Variants in KHDRBS3 observed in about 807,000 individuals in gnomAD.
The protein encoded by KHDRBS3 is KH domain-containing, RNA-binding, signal transduction-associated protein 3.
Under a neutral mutation model 45.6 loss-of-function variants are expected in KHDRBS3, and 23 were observed. That is an observed-to-expected ratio of 0.50 (90% confidence interval 0.36 to 0.72). The LOEUF is 0.72. KHDRBS3 is among the 30% of genes least tolerant of loss of function. The pLI is 0.00. For synonymous variants in KHDRBS3, 162 were observed against 156.5 expected (o/e 1.04, Z -0.26); for missense variants, 352 against 424.8 (o/e 0.83, Z 1.51).
chr8:135,568,102 A>G (rs1006551484), intron 5 of KHDRBS3, among the ~76,000 whole-genome samples: 1 of 152,156 alleles, frequency 6.6e-6, no homozygotes, highest in African/African-American at 2.4e-5. Flanking sequence ...AGCCCCAAAC[A>G]AAAGCTGCTT....
In KHDRBS3 at chr8:135,471,367, C is replaced by T. The variant is rs181022003; in HGVS notation, c.88+13413C>T. ...GACTGGTTGGGTGTCTGTTTCTCCA[C>T]AGTCTTTCCTACTGGATTGGAGAAG... is the stretch of plus-strand genomic sequence containing the variant. On this transcript the variant is annotated intron_variant, in intron 1 of 8. Transcript: ENST00000355849. Among the ~76,000 whole-genome samples the T allele has an allele frequency of 8.5e-5, 13 of 152,318 alleles. No individual in the cohort carries two copies. The East Asian group carries it at 2.5e-3, about 29-fold the overall frequency.
At chr8:135,566,692 A>G (rs1425967709) in intron 5 of KHDRBS3, among the ~76,000 whole-genome samples, 3 of 149,812 alleles carry the variant, frequency 2.0e-5, no homozygotes, top group African/African-American at 7.3e-5. Context: ...TTATCTTTAC[A>G]AAAAAAAAAG....
chr8:135,499,692 C>T (rs571287797), intron 1 of KHDRBS3, among the ~76,000 whole-genome samples: 1 of 152,292 alleles, frequency 6.6e-6, no homozygotes, highest in South Asian at 2.1e-4. Flanking sequence ...ACTCTAGAAG[C>T]ATCAGAATGT....
chr8:135,508,321 A>G (rs1447146228), intron 1 of KHDRBS3, among the ~76,000 whole-genome samples: 1 of 152,222 alleles, frequency 6.6e-6, no homozygotes, highest in Non-Finnish European at 1.5e-5. Context: ...TCATATTTCT[A>G]TCTCAAAGTG....
intron 1 of KHDRBS3, among the ~76,000 whole-genome samples, chr8:135,507,762 A>G (rs1824081464): frequency 6.6e-6 from 1 of 152,212 alleles, no homozygotes; most frequent in Non-Finnish European, 1.5e-5. Context: ...ATGAGAAGAC[A>G]GGTCTCATTT....
intron 6 of KHDRBS3, among the ~76,000 whole-genome samples, chr8:135,587,514 C>A (rs184806640): frequency 2.0e-5 from 3 of 152,090 alleles, no homozygotes; most frequent in African/African-American, 4.8e-5. Flanking sequence ...TGGGACCTTC[C>A]GCTCTACTTT....
intron 5 of KHDRBS3, among the ~76,000 whole-genome samples, chr8:135,581,248 A>T (rs966374404): frequency 6.6e-6 from 1 of 152,146 alleles, no homozygotes; most frequent in African/African-American, 2.4e-5. Context: ...GCCATTCTTG[A>T]TAGAGCCATC....
chr8:135,485,842 T>TTA (rs34886021), intron 1 of KHDRBS3, among the ~76,000 whole-genome samples: 20,088 of 120,076 alleles, frequency 0.17, 1,942 homozygotes, highest in Middle Eastern at 0.22. Context: ...CATTTCAAGT[T>TTA]TATATATATA....
chr8:135,574,066 T>C (rs1827834310), intron 5 of KHDRBS3, among the ~76,000 whole-genome samples: 1 of 152,240 alleles, frequency 6.6e-6, no homozygotes, highest in Non-Finnish European at 1.5e-5. Flanking sequence ...CCCCATGTTA[T>C]CAATCCAGCT....
chr8:135,605,971 T>C (rs930493808), intron 6 of KHDRBS3, among the ~76,000 whole-genome samples: 1 of 152,202 alleles, frequency 6.6e-6, no homozygotes, highest in African/African-American at 2.4e-5. Flanking sequence ...AAATCAATTT[T>C]TTCCATGGTT....
Position 135,466,003 on chromosome 8 carries a change from T to C in KHDRBS3, c.88+8049T>C, listed in dbSNP as rs561798488. ...TCAACATTTTTCCTTGTTCTTTCTC[T>C]GCTTCAATGTTTGTGCCGTTTGTGC... On this transcript the variant is annotated intron_variant, in intron 1 of 8. Coordinates refer to ENST00000355849, the MANE Select transcript of KHDRBS3 (RefSeq NM_006558.3). Among the ~76,000 whole-genome samples, 7 of 152,356 alleles carry C rather than the reference T, an allele frequency of 4.6e-5. No homozygotes were observed. The South Asian group carries it at 6.2e-4, about 14-fold the overall frequency.
chr8:135,461,326 A>T (rs1287408759), intron 1 of KHDRBS3, among the ~76,000 whole-genome samples: 1 of 151,940 alleles, frequency 6.6e-6, no homozygotes, highest in Non-Finnish European at 1.5e-5. Flanking sequence ...GCTGGTCTCG[A>T]ACTCCTGACC....
intron 6 of KHDRBS3, among the ~76,000 whole-genome samples, chr8:135,595,736 T>C (rs1828944629): frequency 6.6e-6 from 1 of 152,190 alleles, no homozygotes; most frequent in East Asian, 1.9e-4. Flanking sequence ...GCTGTTGTTC[T>C]CAAGGAAGAG....
chr8:135,474,513 C>T (rs112799194), intron 1 of KHDRBS3, among the ~76,000 whole-genome samples: 19 of 152,116 alleles, frequency 1.2e-4, no homozygotes, highest in African/African-American at 3.9e-4. Context: ...ACCATTGGTC[C>T]AAAATGTTAA....
intron 2 of KHDRBS3, among the ~76,000 whole-genome samples, chr8:135,533,908 G>A (rs570294722): frequency 6.6e-6 from 1 of 152,218 alleles, no homozygotes; most frequent in East Asian, 1.9e-4. Flanking sequence ...TTATAATGAA[G>A]TCTTGGATAT....
At chr8:135,467,709 C>T (rs1370251428) in intron 1 of KHDRBS3, among the ~76,000 whole-genome samples, 1 of 152,240 alleles carries the variant, frequency 6.6e-6, no homozygotes, top group East Asian at 1.9e-4. Flanking sequence ...TACCCGGGCA[C>T]ACCACGTCTG....
chr8:135,558,738 T>C (rs1187740785), intron 5 of KHDRBS3, among the ~76,000 whole-genome samples: 1 of 151,726 alleles, frequency 6.6e-6, no homozygotes, highest in East Asian at 2.0e-4. Context: ...ACTTACCTGC[T>C]TCATTATTTT....
intron 1 of KHDRBS3, among the ~76,000 whole-genome samples, chr8:135,495,707 G>T (rs2130460140): frequency 6.6e-6 from 1 of 152,190 alleles, no homozygotes; most frequent in East Asian, 1.9e-4. Context: ...AAGGTTAGGG[G>T]CTTATTTTAA....
intron 5 of KHDRBS3, among the ~76,000 whole-genome samples, chr8:135,563,425 C>G (rs7845885): frequency 5.3e-5 from 8 of 152,038 alleles, no homozygotes; most frequent in African/African-American, 1.9e-4. Flanking sequence ...AAGCCCTTGC[C>G]GAGCACGCAG....
Sources: allele counts gnomAD v4.1 joint callset (sites outside exome capture counted in the v4.1 genomes callset), GRCh38; gene constraint gnomAD v4.1.1; transcripts MANE v1.5; gene names NCBI Gene and HGNC (gene_info 2026-07-23, HGNC 2026-07-21).